Variants in RBFOX1 observed in about 807,000 individuals in gnomAD.
RBFOX1 encodes the protein RNA binding fox-1 homolog 1, also known as RNA binding protein fox-1 homolog 1.
In RBFOX1, 8 loss-of-function variants were observed where a neutral mutation model predicts 57.7. That is an observed-to-expected ratio of 0.14 (90% CI 0.08 to 0.25). RBFOX1 has a LOEUF of 0.25. Among genes scored for constraint, RBFOX1 ranks in the 10% least tolerant of loss-of-function variants. RBFOX1 has a pLI of 1.00. For synonymous variants in RBFOX1, 326 were observed against 222.4 expected (o/e 1.47, Z -4.15); for missense variants, 611 against 548.5 (o/e 1.11, Z -1.14).
intron 1 of RBFOX1, among the ~76,000 whole-genome samples, chr16:6,084,424 T>G (rs1315690527): frequency 6.6e-6 from 1 of 152,042 alleles, no homozygotes; most frequent in Non-Finnish European, 1.5e-5. Flanking sequence ...TTGTATTTTT[T>G]GTGAAGACGG....
intron 3 of RBFOX1, among the ~76,000 whole-genome samples, chr16:5,742,840 A>G (rs2052826106): frequency 1.3e-5 from 2 of 152,220 alleles, no homozygotes; most frequent in Admixed American, 1.3e-4. Flanking sequence ...AATGGGGGCT[A>G]AGAGCTAGCT....
intron 2 of RBFOX1, among the ~76,000 whole-genome samples, chr16:6,453,225 C>G (rs1006228101): frequency 4.6e-5 from 7 of 152,134 alleles, no homozygotes; most frequent in Admixed American, 1.3e-4. Flanking sequence ...AACCTGTCAT[C>G]TACATTAGGT....
chr16:7,586,996 A>G (rs904234620), intron 6 of RBFOX1, among the ~76,000 whole-genome samples: 7 of 152,198 alleles, frequency 4.6e-5, no homozygotes, highest in Non-Finnish European at 8.8e-5. Flanking sequence ...TGCACACAGG[A>G]AAAAAAGAAA....
At chr16:7,488,933 A>G (rs1825607474) in intron 4 of RBFOX1, among the ~76,000 whole-genome samples, 1 of 152,182 alleles carries the variant, frequency 6.6e-6, no homozygotes. Context: ...CAGTCTGTAT[A>G]CTTCACATGT....
At chr16:6,654,258 A>G (rs2098629257) in intron 2 of RBFOX1, among the ~76,000 whole-genome samples, 1 of 152,190 alleles carries the variant, frequency 6.6e-6, no homozygotes, top group African/African-American at 2.4e-5. Context: ...AATGGGAGAG[A>G]TATTAAAGGC....
intron 4 of RBFOX1, among the ~76,000 whole-genome samples, chr16:7,086,265 A>T (rs1404022183): frequency 2.0e-5 from 3 of 152,182 alleles, no homozygotes; most frequent in African/African-American, 7.2e-5. Context: ...ATTTAAATCA[A>T]CAAGGGGCTC....
intron 4 of RBFOX1, among the ~76,000 whole-genome samples, chr16:7,462,483 T>A (rs2059762964): frequency 6.6e-6 from 1 of 152,194 alleles, no homozygotes; most frequent in South Asian, 2.1e-4. Context: ...ACAGCAAAAC[T>A]CTGTTTCAAA....
rs192002722 is a variant in RBFOX1, at chr16:6,963,883, A to G, written c.-15-88174A>G. Reference sequence around the variant, plus strand: ...CTGGCTAATTTTTTGTATTTTTAGTAGAGATGGGATTTCACTGTGTTAGCC... The same window carrying G: ...CTGGCTAATTTTTTGTATTTTTAGTGGAGATGGGATTTCACTGTGTTAGCC... On this transcript the variant is annotated intron_variant, in intron 3 of 15. Coordinates refer to ENST00000550418, the MANE Select transcript of RBFOX1 (RefSeq NM_018723.4). Among the ~76,000 whole-genome samples the G allele has an allele frequency of 1.7e-3, 258 of 152,084 alleles. 3 individuals are homozygous for G. The highest frequency in any genetic ancestry group is 2.9e-3 in the South Asian group (14 of 4,800).
chr16:6,404,881 G>A (rs1007908234), intron 2 of RBFOX1, among the ~76,000 whole-genome samples: 5 of 152,188 alleles, frequency 3.3e-5, no homozygotes, highest in African/African-American at 4.8e-5. Flanking sequence ...GTGGATCCCC[G>A]ATATGGAAGG....
At chr16:7,287,681 C>G in intron 4 of RBFOX1, among the ~76,000 whole-genome samples, 1 of 152,128 alleles carries the variant, frequency 6.6e-6, no homozygotes, top group Middle Eastern at 3.2e-3. Flanking sequence ...ATAAAAGTCG[C>G]CTCTCAACAC....
chr16:6,860,349 T>C (rs1043590948), intron 3 of RBFOX1, among the ~76,000 whole-genome samples: 4 of 152,160 alleles, frequency 2.6e-5, no homozygotes, highest in African/African-American at 9.7e-5. Context: ...GGTGGTAATA[T>C]TTGGGAAGCA....
rs551575494 is a variant in RBFOX1 at position 6,331,371 on chromosome 16, C to T, written c.-64+14314C>T. Among the ~76,000 whole-genome samples the T allele has an allele frequency of 1.5e-3, 230 of 151,974 alleles. 1 individual carries two copies. Among genetic ancestry groups the T allele is most frequent in the Admixed American group, 8.0e-3 (122 of 15,258 alleles). ...CTGAGGCAGGAGAATCATTTGAGCC[C>T]GGGAGGTGGAGGTTGCAGTGAGCCA... On this transcript the variant is annotated intron_variant, in intron 2 of 15. Coordinates refer to ENST00000550418, the MANE Select transcript of RBFOX1 (RefSeq NM_018723.4).
At chr16:5,908,668 A>AGT (rs1410389747) in intron 4 of RBFOX1, among the ~76,000 whole-genome samples, 1 of 152,088 alleles carries the variant, frequency 6.6e-6, no homozygotes, top group African/African-American at 2.4e-5. Context: ...AGGGCCTAAA[A>AGT]GTGTGGCAGG....
At chr16:5,683,038 C>G (rs1368505490) in intron 3 of RBFOX1, among the ~76,000 whole-genome samples, 1 of 152,004 alleles carries the variant, frequency 6.6e-6, no homozygotes, top group Admixed American at 6.6e-5. Context: ...ATCAGAGTGT[C>G]CACCTTTTAG....
intron 4 of RBFOX1, among the ~76,000 whole-genome samples, chr16:7,507,565 C>CTTTTTTTTTTTTTTT (rs3030308): frequency 1.5e-5 from 2 of 132,560 alleles, no homozygotes; most frequent in African/African-American, 5.7e-5. Flanking sequence ...TTCTTTCTTT[C>CTTTTTTTTTTTTTTT]TTTTTTTTTT....
chr16:5,759,876 G>A (rs1008785848), intron 3 of RBFOX1, among the ~76,000 whole-genome samples: 1 of 151,908 alleles, frequency 6.6e-6, no homozygotes, highest in Non-Finnish European at 1.5e-5. Flanking sequence ...TTGATCAAAC[G>A]GCCTTAATGC....
chr16:5,620,804 G>T (rs1277963352), intron 3 of RBFOX1, among the ~76,000 whole-genome samples: 2 of 152,068 alleles, frequency 1.3e-5, no homozygotes, highest in Non-Finnish European at 2.9e-5. Context: ...TCAGCTGCTT[G>T]AGTAGCCGGG....
At chr16:7,131,844 C>A (rs999663401) in intron 4 of RBFOX1, among the ~76,000 whole-genome samples, 2 of 151,954 alleles carry the variant, frequency 1.3e-5, no homozygotes, top group African/African-American at 4.8e-5. Context: ...ATCTAAACAT[C>A]CAAATGGCTT....
intron 4 of RBFOX1, among the ~76,000 whole-genome samples, chr16:7,414,446 T>C (rs945990264): frequency 6.6e-6 from 1 of 152,202 alleles, no homozygotes; most frequent in African/African-American, 2.4e-5. Context: ...TCAATTAAAA[T>C]GTGATTCTTT....
Sources: gnomAD v4.1 joint callset for allele counts (sites outside exome capture counted in the v4.1 genomes callset) on GRCh38, gnomAD v4.1.1 for gene constraint, MANE v1.5 for transcripts, NCBI Gene and HGNC (gene_info 2026-07-23, HGNC 2026-07-21) for gene names.